Variants in MAP4K2 observed in about 807,000 individuals in gnomAD.
The protein encoded by MAP4K2 is B lymphocyte serine/threonine protein kinase.
MAP4K2 carries 85 observed loss-of-function variants against 125.3 expected under a neutral mutation model. The ratio of observed to expected loss-of-function variants is 0.68; its 90% CI spans 0.57 to 0.81. MAP4K2 has a LOEUF of 0.81. Ranked by LOEUF, MAP4K2 falls within the 40% of genes least tolerant of loss-of-function variation. The pLI is 0.00. For missense variants in MAP4K2, 923 were observed against 1,056.4 expected (o/e 0.87, Z 1.75); for synonymous variants, 479 against 445.1 (o/e 1.08, Z -0.96).
At chr11:64,798,760 G>C in intron 15 of MAP4K2, 34 bp downstream of exon 15, 1 of 1,612,190 alleles carries the variant, frequency 6.2e-7, no homozygotes, top group Non-Finnish European at 8.5e-7. Context: ...TGCCGCCCCT[G>C]CCACCCCCTG....
intron 24 of MAP4K2, 143 bp downstream of exon 24, chr11:64,796,130 C>T: frequency 2.8e-6 from 2 of 709,652 alleles, no homozygotes; most frequent in Admixed American, 6.7e-5. Context: ...GGAAGGCCAT[C>T]AATTGTATTG....
Position 64,797,548 on chromosome 11 carries a change from A to G in MAP4K2, c.1137-14T>C, listed in dbSNP as rs1175274803. On this transcript the variant is annotated splice_polypyrimidine_tract_variant and intron_variant, in intron 16 of 31. Transcript: ENST00000294066. ...ATAGTCAGACTCCTGTGGGAGGGAG[A>G]TGAGGCGTGAGGCATGAGGTGTGAC... 17 of 1,572,286 alleles carry G rather than the reference A, an allele frequency of 1.1e-5. No homozygotes were observed. The highest frequency in any genetic ancestry group is 1.5e-5 in the Non-Finnish European group (17 of 1,158,162).
Position 64,789,546 on chromosome 11 carries a change from G to A in MAP4K2, c.2454C>T (p.Ser818=), listed in dbSNP as rs1359398973. The change falls in exon 32 of 32, where the codon AGC becomes AGT. Residue 818 remains serine, a synonymous_variant. Coordinates refer to ENST00000294066, the MANE Select transcript of MAP4K2 (RefSeq NM_004579.5). ...SNLYILTGHQ[S]TY is the part of the protein sequence containing the mutation. Reference sequence around the variant, plus strand: ...GACAGGCCCGCTGCTCTTAGTAGGTGCTCTGGTGGCCCGTGAGGATGTAGA... The same window carrying A: ...GACAGGCCCGCTGCTCTTAGTAGGTACTCTGGTGGCCCGTGAGGATGTAGA... The A allele has an allele frequency of 1.3e-6, 2 of 1,584,832 alleles. No individual in the cohort carries two copies. The highest frequency in any genetic ancestry group is 1.8e-5 in the Admixed American group (1 of 54,928).
At chr11:64,790,042 G>T in intron 29 of MAP4K2, 83 bp from the exon 30 acceptor site, 1 of 1,556,580 alleles carries the variant, frequency 6.4e-7, no homozygotes, top group Non-Finnish European at 8.8e-7. Flanking sequence ...GGGCCACAGG[G>T]GTCCTCACTG....
chr11:64,798,871 G>A (rs766899269), intron 14 of MAP4K2, 34 bp from the exon 15 acceptor site: 4 of 1,560,556 alleles, frequency 2.6e-6, no homozygotes, highest in Non-Finnish European at 3.5e-6. Context: ...CGGGGAAGAA[G>A]CAGAGACAGA....
chr11:64,785,003 T>C lies in MAP4K2; in HGVS notation c.*4534A>G, dbSNP rs1466791203. 1 of 152,232 alleles carries C rather than the reference T, an allele frequency of 6.6e-6. No individual in the cohort carries two copies. The highest frequency in any genetic ancestry group is 1.9e-4 in the East Asian group (1 of 5,204). The allele number at this position is 152,232 out of a possible 1,614,324, so 9.4% of individuals were successfully genotyped here. A position where few individuals can be genotyped will look rare whatever the true frequency, so the allele number is the denominator to read the frequency against. ...TCAACAGGTGAACAGCTAACCAAACTGGTGCATCCAAACAATGGAATACTA... is the reference window on the plus strand; with the variant it reads ...TCAACAGGTGAACAGCTAACCAAACCGGTGCATCCAAACAATGGAATACTA... On this transcript the variant is annotated 3_prime_UTR_variant, in exon 32 of 32. Transcript: ENST00000294066.
chr11:64,802,001 C>A, intron 5 of MAP4K2, 65 bp downstream of exon 5: 2 of 1,520,966 alleles, frequency 1.3e-6, no homozygotes, highest in South Asian at 2.4e-5. Context: ...CCCTGCTGGT[C>A]ATCTGGGCTC....
intron 15 of MAP4K2, among the ~76,000 whole-genome samples, chr11:64,798,052 G>A (rs1054469509): frequency 4.0e-5 from 6 of 150,278 alleles, no homozygotes; most frequent in Non-Finnish European, 7.4e-5. Context: ...CCAGGCTGGC[G>A]TGCAATGGCA....
chr11:64,799,373 C>A (rs766220526), intron 14 of MAP4K2, 48 bp downstream of exon 14: 1 of 1,602,916 alleles, frequency 6.2e-7, no homozygotes, highest in Admixed American at 1.8e-5. Context: ...TCCGACCTCC[C>A]TGCCCCACCT....
At chr11:64,799,386 G>C in intron 14 of MAP4K2, 35 bp downstream of exon 14, 1 of 1,609,560 alleles carries the variant, frequency 6.2e-7, no homozygotes, top group Non-Finnish European at 8.5e-7. Context: ...CCCCACCTCT[G>C]GGCACCACCT....
Position 64,789,563 on chromosome 11 carries a change from G to A in MAP4K2, c.2437C>T (p.Leu813Phe). The change falls in exon 32 of 32, where the codon CTC (leucine) becomes TTC (phenylalanine). Residue 813 changes from leucine (L) to phenylalanine (F), a missense_variant. Around this residue, in one of 2 missense-constraint regions of MAP4K2, gnomAD observed 90 missense variants for 144.9 expected, o/e 0.62. Transcript: ENST00000294066. ...NPEAHSNLYI[L>F]TGHQSTY ...TAGTAGGTGCTCTGGTGGCCCGTGA[G>A]GATGTAGAGGTTGCTGTGCGCCTCT... The A allele has an allele frequency of 1.3e-6, 2 of 1,596,656 alleles. No individual in the cohort carries two copies. Among genetic ancestry groups the A allele is most frequent in the Non-Finnish European group, 1.7e-6 (2 of 1,171,396 alleles).
chr11:64,794,029 T>C (rs549582279), intron 24 of MAP4K2, among the ~76,000 whole-genome samples: 1 of 152,252 alleles, frequency 6.6e-6, no homozygotes, highest in Admixed American at 6.5e-5. Context: ...TCCCCTACCC[T>C]CTGCACTCAG....
rs72193917 is a variant in MAP4K2 at position 64,785,588 on chromosome 11, CT to C, written c.*3948del. ...TAAATATTTTTTAAAAATTTTTTTCCTTTTTTTTTTTTTCTTTTTGAGACAG... is the reference window on the plus strand; with the variant it reads ...TAAATATTTTTTAAAAATTTTTTTCCTTTTTTTTTTTTCTTTTTGAGACAG... On this transcript the variant is annotated 3_prime_UTR_variant, in exon 32 of 32. Transcript: ENST00000294066. 272 of 145,466 alleles carry C rather than the reference CT, an allele frequency of 1.9e-3. 1 individual carries two copies. The highest frequency in any genetic ancestry group is 2.3e-3 in the African/African-American group (93 of 39,818). 9.0% of individuals were successfully genotyped at this position (145,466 alleles called of 1,614,324 possible). A position where few individuals can be genotyped will look rare whatever the true frequency, so the allele number is the denominator to read the frequency against.
intron 2 of MAP4K2, 62 bp from the exon 3 acceptor site, chr11:64,802,715 T>A: frequency 1.3e-6 from 2 of 1,541,882 alleles, no homozygotes; most frequent in Admixed American, 3.6e-5. Flanking sequence ...AGTGCCCCCA[T>A]CTGCAAAATG....
chr11:64,792,848 C>T (rs1954234661), intron 24 of MAP4K2, among the ~76,000 whole-genome samples: 1 of 152,090 alleles, frequency 6.6e-6, no homozygotes, highest in African/African-American at 2.4e-5. Context: ...AGGGCCAGCT[C>T]CTATCATCCC....
At position 64,801,590 on chromosome 11, in the gene MAP4K2, T is replaced by A. The variant is rs1422920795; in HGVS notation, c.446A>T (p.Asp149Val). The change falls in exon 7 of 32, where the codon GAT (aspartate) becomes GTT (valine). Residue 149 changes from aspartate (D) to valine (V), a missense_variant. Physicochemically the swap from Asp to Val is radical, Grantham distance 152 (BLOSUM62 -3). Transcript: ENST00000294066. The part of the protein sequence containing the change: ...GANLLLTLQG[D>V]VKLADFGVSG... The stretch of plus-strand genomic sequence containing the variant: ...CCCAGGGTACTGACCCAGTTTGACA[T>A]CTCCCTGGAGAGTGAGGAGAAGGTT... 4 of 1,613,904 alleles carry A rather than the reference T, an allele frequency of 2.5e-6. No homozygotes were observed. Among genetic ancestry groups the A allele is most frequent in the Non-Finnish European group, 3.4e-6 (4 of 1,179,922 alleles).
rs202240428 is a variant in MAP4K2, at chr11:64,797,280, G to A, written c.1271C>T (p.Pro424Leu). The change falls in exon 18 of 32, where the codon CCC becomes CTC. Residue 424 changes from proline to leucine, a missense_variant. Around this residue, in one of 2 missense-constraint regions of MAP4K2, gnomAD observed 833 missense variants for 911.4 expected, o/e 0.91. Coordinates refer to ENST00000294066, the MANE Select transcript of MAP4K2 (RefSeq NM_004579.5). Reference sequence around the variant, plus strand: ...CTCCCAAGCCTGAGACTCACCTGGGGGACTGGACAGAGGCTCCTCTGCTGG... The same window carrying A: ...CTCCCAAGCCTGAGACTCACCTGGGAGACTGGACAGAGGCTCCTCTGCTGG... Reference protein sequence around the residue: ...DPPAEEPLSSPPGTLPPPPSG... With the variant: ...DPPAEEPLSSLPGTLPPPPSG... 6 of 1,600,652 alleles carry A rather than the reference G, an allele frequency of 3.7e-6. No homozygotes were observed. The highest frequency in any genetic ancestry group is 4.3e-6 in the Non-Finnish European group (5 of 1,173,840).
rs1461017221 is a variant in MAP4K2, at chr11:64,786,491, G to A, written c.*3046C>T. The A allele has an allele frequency of 1.3e-5, 2 of 152,182 alleles. No homozygotes were observed. The highest frequency in any genetic ancestry group is 4.8e-5 in the African/African-American group (2 of 41,424). The allele number at this position is 152,182 out of a possible 1,614,324, so 9.4% of individuals were successfully genotyped here. A position where few individuals can be genotyped will look rare whatever the true frequency, so the allele number is the denominator to read the frequency against. ...AACACGGCAGATCCTCCGCCGTCCC[G>A]AAGCACACATCATGGTGCTCCCCTT... is the stretch of plus-strand genomic sequence containing the variant. On this transcript the variant is annotated 3_prime_UTR_variant, in exon 32 of 32. Transcript: ENST00000294066.
chr11:64,795,456 A>G (rs1029235120), intron 24 of MAP4K2, among the ~76,000 whole-genome samples: 4 of 151,400 alleles, frequency 2.6e-5, no homozygotes, highest in African/African-American at 4.9e-5. Context: ...GCTGGAGTGC[A>G]GTGGCGTGAT....
Sources: gnomAD v4.1 joint callset for allele counts (sites outside exome capture counted in the v4.1 genomes callset) on GRCh38, gnomAD v4.1.1 for gene constraint, gnomAD v4.1.1 regional missense constraint, MANE v1.5 for transcripts, NCBI Gene and HGNC (gene_info 2026-07-23, HGNC 2026-07-21) for gene names.